Variants in NBPF8 observed in about 807,000 individuals in gnomAD.
NBPF8 encodes NBPF member 8.
In NBPF8 at chr1:120,460,644, G is replaced by A. The variant is rs1661557955; in HGVS notation, n.2836+20G>A. 3.5e-6 allele frequency: 4 copies of A among 1,143,348 alleles called. No homozygotes were observed. In the East Asian group the frequency reaches 9.4e-5, roughly 27 times the overall value. The allele number at this position is 1,143,348 out of a possible 1,614,324, so 70.8% of individuals were successfully genotyped here. A position where few individuals can be genotyped will look rare whatever the true frequency, so the allele number is the denominator to read the frequency against. On this transcript the variant is annotated intron_variant and non_coding_transcript_variant, in intron 18 of 24. Coordinates refer to ENST00000583271, the Ensembl canonical transcript of NBPF8. ...TCCCAGGTGAGTCTGAGAAATTGTG[G>A]ACAGTTAATTTGATGTTGACACCTG...
intron 17 of NBPF8, among the ~76,000 whole-genome samples, chr1:120,459,923 T>A (rs1661530406): frequency 6.6e-6 from 1 of 151,950 alleles, no homozygotes; most frequent in Non-Finnish European, 1.5e-5. Flanking sequence ...CATGTCTGTG[T>A]GGTTCTTTAC....
chr1:120,426,925 GTTTC>G (rs1223095889), intron 2 of NBPF8, among the ~76,000 whole-genome samples: 1 of 142,756 alleles, frequency 7.0e-6, no homozygotes, highest in East Asian at 2.0e-4. Context: ...TCCAGCAGGA[GTTTC>G]TTAGTTAGGA....
At chr1:120,459,774 G>A (rs1449610557) in intron 17 of NBPF8, among the ~76,000 whole-genome samples, 4 of 152,198 alleles carry the variant, frequency 2.6e-5, no homozygotes, top group Middle Eastern at 3.2e-3. Context: ...TGACTGTCAC[G>A]ATATTGAACT....
rs1553248980 is a variant in NBPF8 at position 120,452,209 on chromosome 1, A to G, written n.2167A>G. The G allele has an allele frequency of 4.5e-5, 58 of 1,278,950 alleles. 5 individuals carry two copies. The Middle Eastern group carries it at 1.0e-3, about 23-fold the overall frequency. 79.2% of individuals were successfully genotyped at this position (1,278,950 alleles called of 1,614,324 possible). A position where few individuals can be genotyped will look rare whatever the true frequency, so the allele number is the denominator to read the frequency against. ...GGGAGAGATGCCTCCCTCTCATTGA[A>G]TGAGCATCTCCAGGCCCTCCTCACT... On this transcript the variant is annotated non_coding_transcript_exon_variant, in exon 13 of 25. Transcript: ENST00000583271.
intron 1 of NBPF8, among the ~76,000 whole-genome samples, chr1:120,424,785 GTGTC>G (rs1452469537): frequency 7.2e-6 from 1 of 138,012 alleles, no homozygotes; most frequent in Non-Finnish European, 1.5e-5. Context: ...GATTGTTACT[GTGTC>G]TGTGTAGGAA....
chr1:120,434,321 A>T (rs1269674719), upstream of NBPF8, among the ~76,000 whole-genome samples: 4 of 147,600 alleles, frequency 2.7e-5, no homozygotes, highest in Non-Finnish European at 6.0e-5. Context: ...ATATACACGT[A>T]TATATATTAT....
At chr1:120,430,815 A>G (rs1660855469) in intron 3 of NBPF8, among the ~76,000 whole-genome samples, 1 of 151,414 alleles carries the variant, frequency 6.6e-6, no homozygotes, top group Non-Finnish European at 1.5e-5. Context: ...TACACCAAAA[A>G]CTATAAAAAA....
chr1:120,466,112 T>C, exon 25 of NBPF8: 7 of 1,611,174 alleles, frequency 4.3e-6, no homozygotes, highest in Non-Finnish European at 5.9e-6. Context: ...TTTTACTCAT[T>C]TGAGGAACAG....
rs1661090389 is a variant in NBPF8, at chr1:120,436,606, G to T, written n.254G>T. 3 of 1,606,830 alleles carry T rather than the reference G, an allele frequency of 1.9e-6. No individual in the cohort carries two copies. The East Asian group carries it at 6.7e-5, about 36-fold the overall frequency. Reference sequence around the variant, plus strand: ...TCAACGAGAAATTGCGCCCCCAGTTGGCAGAGAACAAACAGCAGTTCGTAA... The same window carrying T: ...TCAACGAGAAATTGCGCCCCCAGTTTGCAGAGAACAAACAGCAGTTCGTAA... On this transcript the variant is annotated non_coding_transcript_exon_variant, in exon 1 of 25. Coordinates refer to ENST00000583271, the Ensembl canonical transcript of NBPF8.
intron 1 of NBPF8, among the ~76,000 whole-genome samples, chr1:120,425,174 G>T (rs1275484439): frequency 3.9e-5 from 6 of 152,110 alleles, no homozygotes; most frequent in Admixed American, 1.3e-4. Flanking sequence ...CACCCGTAAA[G>T]GGTCTGTGCT....
upstream of NBPF8, among the ~76,000 whole-genome samples, chr1:120,431,828 G>A (rs1451177269): frequency 2.0e-5 from 3 of 150,272 alleles, no homozygotes; most frequent in Non-Finnish European, 4.4e-5. Context: ...CCAACCTGAG[G>A]GGCGGGCTGC....
intron 11 of NBPF8, among the ~76,000 whole-genome samples, chr1:120,450,190 G>T (rs2101673793): frequency 6.6e-6 from 1 of 152,222 alleles, no homozygotes; most frequent in African/African-American, 2.4e-5. Flanking sequence ...TTTTGCCATT[G>T]CACTCCAGCC....
intron 1 of NBPF8, among the ~76,000 whole-genome samples, chr1:120,422,147 C>A (rs1276200263): frequency 2.0e-5 from 3 of 152,292 alleles, no homozygotes; most frequent in Non-Finnish European, 4.4e-5. Flanking sequence ...TTCTCCTAGG[C>A]TCCCCTGTCC....
At chr1:120,428,481 A>G (rs1260934890) in intron 3 of NBPF8, among the ~76,000 whole-genome samples, 8 of 151,984 alleles carry the variant, frequency 5.3e-5, no homozygotes, top group Admixed American at 2.6e-4. Flanking sequence ...TGTGCCCACA[A>G]TTCATTGGAG....
At chr1:120,455,858 G>A (rs1661421988) in intron 16 of NBPF8, among the ~76,000 whole-genome samples, 1 of 152,018 alleles carries the variant, frequency 6.6e-6, no homozygotes, top group Admixed American at 6.6e-5. Context: ...TAATTGTGAT[G>A]TTAGGGTGTC....
upstream of NBPF8, chr1:120,433,461 T>A (rs1660944874): frequency 6.5e-6 from 1 of 152,756 alleles, no homozygotes; most frequent in Non-Finnish European, 1.5e-5. Flanking sequence ...CAAAAAAGTT[T>A]TCCAGCCACA....
chr1:120,428,801 G>C (rs1660791036), intron 3 of NBPF8, among the ~76,000 whole-genome samples: 1 of 150,058 alleles, frequency 6.7e-6, no homozygotes, highest in African/African-American at 2.5e-5. Context: ...ATGCCATGTA[G>C]CACTTTATGT....
At chr1:120,420,388 T>C (rs1660540461) in intron 1 of NBPF8, among the ~76,000 whole-genome samples, 1 of 136,004 alleles carries the variant, frequency 7.4e-6, no homozygotes, top group Non-Finnish European at 1.6e-5. Flanking sequence ...TAGCTAGATC[T>C]ACATCCCACT....
rs1661365602 is a variant in NBPF8, at chr1:120,454,105, A to G, written n.2559A>G. ...TGTTGAATGGGAGGATGCTGTACACATTATTCCAGGTAGCCTCTGTTTTCC... is the reference window on the plus strand; with the variant it reads ...TGTTGAATGGGAGGATGCTGTACACGTTATTCCAGGTAGCCTCTGTTTTCC... On this transcript the variant is annotated non_coding_transcript_exon_variant, in exon 15 of 25. Coordinates refer to ENST00000583271, the Ensembl canonical transcript of NBPF8. The G allele has an allele frequency of 6.2e-6, 10 of 1,612,766 alleles. No homozygotes were observed. In the South Asian group the frequency reaches 8.8e-5, roughly 14 times the overall value.
Sources: allele counts gnomAD v4.1 joint callset (sites outside exome capture counted in the v4.1 genomes callset), GRCh38; gene constraint gnomAD v4.1.1; transcripts MANE v1.5; gene names NCBI Gene and HGNC (gene_info 2026-07-23, HGNC 2026-07-21).